FSHR: variants seen among roughly 807,000 people sequenced by gnomAD.
FSHR encodes follicle-stimulating hormone receptor.
In FSHR, 46 loss-of-function variants were observed where a neutral mutation model predicts 52.1. That is an observed-to-expected ratio of 0.88 (90% CI 0.70 to 1.13). FSHR has a LOEUF of 1.13. Among genes scored for constraint, FSHR ranks in the 50% most tolerant of loss-of-function variants. The pLI is 0.00. For missense variants in FSHR, 964 were observed against 834.6 expected (o/e 1.16, Z -1.91); for synonymous variants, 399 against 309.6 (o/e 1.29, Z -3.03).
chr2:49,075,384 A>G (rs1414404036), intron 1 of FSHR, among the ~76,000 whole-genome samples: 22 of 152,106 alleles, frequency 1.4e-4, no homozygotes, highest in Non-Finnish European at 3.1e-4. Flanking sequence ...GAGGAAACCT[A>G]AAAGAGTGGA....
At chr2:49,052,494 C>G (rs1668900659) in intron 2 of FSHR, among the ~76,000 whole-genome samples, 1 of 152,140 alleles carries the variant, frequency 6.6e-6, no homozygotes, top group African/African-American at 2.4e-5. Flanking sequence ...ATGCTTAGAC[C>G]TCGTCCTGGA....
At chr2:49,124,781 A>G (rs1318509251) in intron 1 of FSHR, among the ~76,000 whole-genome samples, 1 of 151,804 alleles carries the variant, frequency 6.6e-6, no homozygotes, top group Non-Finnish European at 1.5e-5. Flanking sequence ...TTCTCCTTTG[A>G]CCTCCTTTAG....
chr2:49,053,531 C>G (rs2104307029), intron 2 of FSHR, among the ~76,000 whole-genome samples: 1 of 152,260 alleles, frequency 6.6e-6, no homozygotes, highest in South Asian at 2.1e-4. Flanking sequence ...TGCAAAGCCA[C>G]TTCATGTTGC....
At chr2:49,007,313 G>A (rs1320868270) in intron 4 of FSHR, among the ~76,000 whole-genome samples, 1 of 152,136 alleles carries the variant, frequency 6.6e-6, no homozygotes, top group Non-Finnish European at 1.5e-5. Flanking sequence ...TACATCTCCT[G>A]TAAAATGGCT....
At chr2:48,966,069 G>A (rs913803153) in intron 9 of FSHR, among the ~76,000 whole-genome samples, 1 of 152,190 alleles carries the variant, frequency 6.6e-6, no homozygotes, top group African/African-American at 2.4e-5. Flanking sequence ...TGTAGGTCAA[G>A]TTATTTAGTA....
chr2:49,097,655 G>T (rs995166455), intron 1 of FSHR, among the ~76,000 whole-genome samples: 4 of 152,136 alleles, frequency 2.6e-5, no homozygotes, highest in Non-Finnish European at 5.9e-5. Flanking sequence ...ATAGAATAAC[G>T]TTAGGACAGA....
chr2:49,038,800 G>A (rs1553337119), intron 2 of FSHR, among the ~76,000 whole-genome samples: 1 of 151,742 alleles, frequency 6.6e-6, no homozygotes, highest in Non-Finnish European at 1.5e-5. Context: ...AGAACAAAGT[G>A]ACACTGATTA....
chr2:48,974,017 G>A (rs894451727), intron 8 of FSHR, among the ~76,000 whole-genome samples: 5 of 146,552 alleles, frequency 3.4e-5, no homozygotes, highest in African/African-American at 1.4e-4. Flanking sequence ...CTGATAAGCA[G>A]ACATGACTCA....
chr2:49,118,687 C>T (rs1442383635), intron 1 of FSHR, among the ~76,000 whole-genome samples: 2 of 152,320 alleles, frequency 1.3e-5, no homozygotes, highest in African/African-American at 2.4e-5. Flanking sequence ...ACTTAGGTTT[C>T]ACCTAGGACC....
chr2:48,969,937 C>T (rs1019160167), intron 8 of FSHR, among the ~76,000 whole-genome samples: 8 of 152,118 alleles, frequency 5.3e-5, no homozygotes, highest in African/African-American at 7.2e-5. Context: ...ACAGCTTGGC[C>T]GTGAGTGGGT....
chr2:49,144,994 G>T (rs1361794454), intron 1 of FSHR, among the ~76,000 whole-genome samples: 1 of 152,052 alleles, frequency 6.6e-6, no homozygotes, highest in Non-Finnish European at 1.5e-5. Flanking sequence ...TTTTTGGAGG[G>T]CTATGGCCTT....
intron 2 of FSHR, among the ~76,000 whole-genome samples, chr2:49,027,382 A>G (rs760724327): frequency 2.0e-5 from 3 of 152,220 alleles, no homozygotes; most frequent in Admixed American, 2.0e-4. Context: ...GTTTATGTAT[A>G]TAATATGCAA....
intron 1 of FSHR, among the ~76,000 whole-genome samples, chr2:49,093,657 C>T (rs181191307): frequency 7.0e-5 from 10 of 143,410 alleles, no homozygotes; most frequent in African/African-American, 1.5e-4. Context: ...TTCATTGGTA[C>T]GATCGCAGCT....
chr2:49,105,036 AAC>A (rs766608483), intron 1 of FSHR, among the ~76,000 whole-genome samples: 14 of 152,168 alleles, frequency 9.2e-5, no homozygotes, highest in Non-Finnish European at 1.5e-4. Context: ...TAGATATCAA[AAC>A]TTTGGGGGAA....
chr2:49,047,318 T>C (rs1668698431), intron 2 of FSHR, among the ~76,000 whole-genome samples: 1 of 152,188 alleles, frequency 6.6e-6, no homozygotes, highest in Non-Finnish European at 1.5e-5. Context: ...GAGTACATTT[T>C]AAACAAATAT....
At chr2:49,118,061 G>A (rs1046817363) in intron 1 of FSHR, among the ~76,000 whole-genome samples, 2 of 152,186 alleles carry the variant, frequency 1.3e-5, no homozygotes, top group Non-Finnish European at 2.9e-5. Context: ...ATGAGTAGGT[G>A]TAGCCGATGG....
At chr2:48,987,675 C>G (rs1158313676) in intron 6 of FSHR, among the ~76,000 whole-genome samples, 1 of 152,094 alleles carries the variant, frequency 6.6e-6, no homozygotes, top group Non-Finnish European at 1.5e-5. Flanking sequence ...TTAACTCTTC[C>G]TTTAACCCTC....
intron 4 of FSHR, among the ~76,000 whole-genome samples, chr2:48,995,024 A>C (rs189103788): frequency 6.6e-5 from 10 of 152,278 alleles, no homozygotes; most frequent in Admixed American, 5.9e-4. Context: ...CTTGCCTTTC[A>C]TAAACAGGTG....
At chr2:49,032,514 CTT>C (rs1172624431) in intron 2 of FSHR, among the ~76,000 whole-genome samples, 1 of 152,200 alleles carries the variant, frequency 6.6e-6, no homozygotes, top group Admixed American at 6.5e-5. Context: ...GAGCATCTAA[CTT>C]AACAGAAATT....
Sources: gnomAD v4.1 joint callset for allele counts (sites outside exome capture counted in the v4.1 genomes callset) on GRCh38, gnomAD v4.1.1 for gene constraint, MANE v1.5 for transcripts, NCBI Gene and HGNC (gene_info 2026-07-23, HGNC 2026-07-21) for gene names.